LZTS1: variants seen among roughly 807,000 people sequenced by gnomAD.
The protein encoded by LZTS1 is leucine zipper tumor suppressor 1, also known as leucine zipper putative tumor suppressor 1.
Under a neutral mutation model 45.8 loss-of-function variants are expected in LZTS1, and 31 were observed. That is an observed-to-expected ratio of 0.68 (90% CI 0.51 to 0.91). LZTS1 has a LOEUF of 0.91. LZTS1 is among the 40% of genes least tolerant of loss of function. LZTS1 has a pLI of 0.00. For synonymous variants in LZTS1, 359 were observed against 357.3 expected (o/e 1.00, Z -0.05); for missense variants, 821 against 788.9 (o/e 1.04, Z -0.49).
chr8:20,278,933 C>T (rs1195082395), intron 1 of LZTS1, among the ~76,000 whole-genome samples: 2 of 152,180 alleles, frequency 1.3e-5, no homozygotes, highest in Non-Finnish European at 2.9e-5. Flanking sequence ...ACCCTTTATG[C>T]CCTGGGTCCC....
chr8:20,295,049 G>A (rs1286096903), intron 1 of LZTS1, among the ~76,000 whole-genome samples: 1 of 152,068 alleles, frequency 6.6e-6, no homozygotes, highest in East Asian at 1.9e-4. Context: ...GGGATGGCAT[G>A]AGTTCCCTTT....
intron 1 of LZTS1, among the ~76,000 whole-genome samples, chr8:20,259,168 G>C (rs190158698): frequency 2.0e-5 from 3 of 152,254 alleles, no homozygotes; most frequent in African/African-American, 7.2e-5. Context: ...CAGACCATCA[G>C]CTGTGGCATC....
At chr8:20,254,696 C>T (rs984107769) in intron 2 of LZTS1, 141 bp downstream of exon 2, 31 of 679,670 alleles carry the variant, frequency 4.6e-5, no homozygotes, top group Admixed American at 8.8e-5. Flanking sequence ...CACAGGCTTC[C>T]GCCGGCACCC....
In LZTS1 at chr8:20,248,436, A is replaced by G. The variant is rs896748512; in HGVS notation, c.*1286T>C. The G allele has an allele frequency of 6.6e-6, 1 of 152,314 alleles. No individual in the cohort carries two copies. The highest frequency in any genetic ancestry group is 1.5e-5 in the Non-Finnish European group (1 of 68,128). 9.4% of individuals were successfully genotyped at this position (152,314 alleles called of 1,614,324 possible). A position where few individuals can be genotyped will look rare whatever the true frequency, so the allele number is the denominator to read the frequency against. Reference sequence around the variant, plus strand: ...AGAGAAACCCTGGACTCCCTGGGGCACTGCCCAAGCTCCTGAGAAAGGGAG... The same window carrying G: ...AGAGAAACCCTGGACTCCCTGGGGCGCTGCCCAAGCTCCTGAGAAAGGGAG... On this transcript the variant is annotated 3_prime_UTR_variant, in exon 4 of 4. Transcript: ENST00000381569.
chr8:20,295,169 G>A (rs1026660807), intron 1 of LZTS1, among the ~76,000 whole-genome samples: 2 of 151,776 alleles, frequency 1.3e-5, no homozygotes, highest in African/African-American at 2.4e-5. Context: ...TGTGAGAACC[G>A]ATTCTGCTTC....
chr8:20,267,575 A>G (rs1398111334), intron 1 of LZTS1, among the ~76,000 whole-genome samples: 2 of 151,994 alleles, frequency 1.3e-5, no homozygotes, highest in African/African-American at 4.8e-5. Flanking sequence ...GAGTGCAGTG[A>G]TGTGATCTCG....
chr8:20,251,855 A>T (rs1799924910), intron 3 of LZTS1, among the ~76,000 whole-genome samples: 2 of 152,156 alleles, frequency 1.3e-5, no homozygotes, highest in Non-Finnish European at 1.5e-5. Flanking sequence ...CGATGACGGA[A>T]ATCAGGCTGA....
intron 1 of LZTS1, among the ~76,000 whole-genome samples, chr8:20,286,130 T>C (rs1277844628): frequency 6.6e-6 from 1 of 152,192 alleles, no homozygotes; most frequent in Admixed American, 6.5e-5. Flanking sequence ...AAAAAAGCAC[T>C]ATTCTAGAGG....
At chr8:20,264,186 C>T (rs530607877) in intron 1 of LZTS1, among the ~76,000 whole-genome samples, 8 of 152,106 alleles carry the variant, frequency 5.3e-5, no homozygotes, top group East Asian at 1.9e-4. Context: ...TTGTTTTATT[C>T]GACCTTTTAT....
At chr8:20,264,350 C>A (rs775514788) in intron 1 of LZTS1, among the ~76,000 whole-genome samples, 1 of 152,122 alleles carries the variant, frequency 6.6e-6, no homozygotes, top group African/African-American at 2.4e-5. Context: ...TATTTTTCCA[C>A]GTATGAAAGC....
intron 1 of LZTS1, among the ~76,000 whole-genome samples, chr8:20,256,113 A>G (rs1800094647): frequency 6.6e-6 from 1 of 150,690 alleles, no homozygotes. Context: ...ATGAGGTGCA[A>G]GTCATATGAA....
intron 1 of LZTS1, among the ~76,000 whole-genome samples, chr8:20,285,230 C>T (rs1297919068): frequency 1.3e-5 from 2 of 152,208 alleles, no homozygotes; most frequent in African/African-American, 4.8e-5. Flanking sequence ...CATGAAAATC[C>T]TGCCCTTGTG....
In LZTS1 at chr8:20,254,808, ACTTACC is replaced by A. The variant is rs1800048802; in HGVS notation, c.345+23_345+28del. On this transcript the variant is annotated intron_variant, in intron 2 of 3. Coordinates refer to ENST00000381569, the MANE Select transcript of LZTS1 (RefSeq NM_021020.5). ...TTGCTTTCTCCTGCGTTTCCAACCC[ACTTACC>A]CTTGCCAGCGACCCCCGCTTACCAT... is the stretch of plus-strand genomic sequence containing the variant. The A allele has an allele frequency of 2.5e-6, 4 of 1,568,988 alleles. No homozygotes were observed. In the South Asian group the frequency reaches 4.7e-5, roughly 19 times the overall value.
At chr8:20,264,025 A>G in intron 1 of LZTS1, among the ~76,000 whole-genome samples, 1 of 151,426 alleles carries the variant, frequency 6.6e-6, no homozygotes, top group East Asian at 1.9e-4. Flanking sequence ...CCCCACTCCC[A>G]CCCCTAATCT....
At chr8:20,293,777 T>C (rs910223630) in intron 1 of LZTS1, among the ~76,000 whole-genome samples, 1 of 151,902 alleles carries the variant, frequency 6.6e-6, no homozygotes, top group African/African-American at 2.4e-5. Flanking sequence ...TACAAAAAAA[T>C]TTAAAAATGG....
chr8:20,282,608 C>G (rs563092763), intron 1 of LZTS1, among the ~76,000 whole-genome samples: 2 of 152,276 alleles, frequency 1.3e-5, no homozygotes, highest in African/African-American at 4.8e-5. Flanking sequence ...TCCACCTTGG[C>G]ATTATTGACA....
intron 1 of LZTS1, among the ~76,000 whole-genome samples, chr8:20,293,277 A>C (rs1038912182): frequency 2.6e-5 from 4 of 151,618 alleles, no homozygotes; most frequent in South Asian, 2.1e-4. Context: ...AATAGCATGC[A>C]CTCTCCCCAG....
chr8:20,273,031 T>C (rs1286436415), intron 1 of LZTS1, among the ~76,000 whole-genome samples: 2 of 152,192 alleles, frequency 1.3e-5, no homozygotes, highest in South Asian at 2.1e-4. Flanking sequence ...TCATTTCTCA[T>C]TGGCTCTTCA....
chr8:20,252,464 T>TGG (rs890585218), intron 3 of LZTS1, among the ~76,000 whole-genome samples: 2 of 152,122 alleles, frequency 1.3e-5, no homozygotes, highest in Non-Finnish European at 2.9e-5. Context: ...TCCTGGGAGC[T>TGG]GATGGAAGGG....
Sources: gnomAD v4.1 joint callset for allele counts (sites outside exome capture counted in the v4.1 genomes callset) on GRCh38, gnomAD v4.1.1 for gene constraint, MANE v1.5 for transcripts, NCBI Gene and HGNC (gene_info 2026-07-23, HGNC 2026-07-21) for gene names.